CRY1: variants seen among roughly 807,000 people sequenced by gnomAD.
The protein encoded by CRY1 is cryptochrome-1.
In CRY1, 45 loss-of-function variants were observed where a neutral mutation model predicts 76.0. The observed-to-expected ratio is 0.59, with a 90% confidence interval of 0.47 to 0.76. The LOEUF (loss-of-function observed/expected upper bound fraction) is 0.76. CRY1 is among the 30% of genes least tolerant of loss of function. CRY1 has a pLI of 0.00. For synonymous variants in CRY1, 248 were observed against 244.0 expected, an observed-to-expected ratio of 1.02 and a Z score of -0.15; for missense variants, 587 against 716.4, an observed-to-expected ratio of 0.82 and a Z score of 2.06.
chr12:107,048,011 T>C (rs978523910), intron 1 of CRY1, among the ~76,000 whole-genome samples: 4 of 151,748 alleles, frequency 2.6e-5, no homozygotes, highest in African/African-American at 7.3e-5. Flanking sequence ...GGTAGACTAA[T>C]ATAGAAAACA....
At position 107,045,534 on chromosome 12, in the gene CRY1, A is replaced by G. The variant is rs530444272; in HGVS notation, c.159-23342T>C. Among the ~76,000 whole-genome samples the G allele has an allele frequency of 7.9e-5, 12 of 152,268 alleles. No individual in the cohort carries two copies. The East Asian group carries it at 2.1e-3, about 27-fold the overall frequency. ...TTTGTCAGTTTTGGCTTCTGTTGCC[A>G]TTGCTTTTGGTATTTTATACATGAA... On this transcript the variant is annotated intron_variant, in intron 1 of 12. Coordinates refer to ENST00000008527, the MANE Select transcript of CRY1 (RefSeq NM_004075.5).
intron 1 of CRY1, among the ~76,000 whole-genome samples, chr12:107,062,497 T>C (rs915820178): frequency 1.3e-5 from 2 of 152,182 alleles, no homozygotes; most frequent in South Asian, 4.1e-4. Context: ...TCAAAGCTAG[T>C]ACTGTGTCAG....
chr12:106,998,647 T>C (rs867766445), intron 7 of CRY1, among the ~76,000 whole-genome samples: 1 of 122,358 alleles, frequency 8.2e-6, no homozygotes, highest in African/African-American at 3.5e-5. Flanking sequence ...TACTAGGAAA[T>C]ATAAGAGATT....
chr12:107,083,332 A>T (rs1190881607), intron 1 of CRY1, among the ~76,000 whole-genome samples: 1 of 152,182 alleles, frequency 6.6e-6, no homozygotes, highest in Non-Finnish European at 1.5e-5. Flanking sequence ...CTGCTCCCTA[A>T]CTCATTTTAT....
chr12:107,017,380 T>A (rs183988866), intron 2 of CRY1, among the ~76,000 whole-genome samples: 1 of 152,250 alleles, frequency 6.6e-6, no homozygotes, highest in Admixed American at 6.5e-5. Flanking sequence ...CTTAGTGGAA[T>A]TGTTAATTCT....
intron 1 of CRY1, among the ~76,000 whole-genome samples, chr12:107,090,857 T>C (rs537411524): frequency 8.5e-5 from 13 of 152,110 alleles, no homozygotes; most frequent in Non-Finnish European, 1.6e-4. Flanking sequence ...TCAAACTTAA[T>C]GACTTAATGA....
At chr12:107,083,946 C>T (rs114285879) in intron 1 of CRY1, among the ~76,000 whole-genome samples, 4,871 of 152,224 alleles carry the variant, frequency 0.032, 122 homozygotes, top group African/African-American at 0.071. Context: ...ATTCCATTGC[C>T]TCAGCCCCAA....
At chr12:107,021,189 A>G (rs942509361) in intron 2 of CRY1, among the ~76,000 whole-genome samples, 7 of 152,196 alleles carry the variant, frequency 4.6e-5, no homozygotes, top group African/African-American at 1.7e-4. Context: ...AAGCTGAGGC[A>G]GAAGAATCAC....
chr12:107,080,217 C>G (rs1294991347), intron 1 of CRY1, among the ~76,000 whole-genome samples: 1 of 152,006 alleles, frequency 6.6e-6, no homozygotes, highest in Non-Finnish European at 1.5e-5. Context: ...AGACAGAAAA[C>G]ACAGGAAAAC....
chr12:107,077,164 C>A (rs1047197159), intron 1 of CRY1, among the ~76,000 whole-genome samples: 18 of 151,612 alleles, frequency 1.2e-4, no homozygotes, highest in Non-Finnish European at 1.2e-4. Context: ...TACACACAAA[C>A]ACACACACAC....
At chr12:107,004,260 A>G (rs1952345347) in intron 3 of CRY1, among the ~76,000 whole-genome samples, 1 of 152,218 alleles carries the variant, frequency 6.6e-6, no homozygotes, top group Admixed American at 6.5e-5. Flanking sequence ...CTAGCTTAGT[A>G]TCAAGACCTT....
chr12:107,012,667 A>C (rs1430560103), intron 2 of CRY1, among the ~76,000 whole-genome samples: 1 of 152,248 alleles, frequency 6.6e-6, no homozygotes, highest in East Asian at 1.9e-4. Context: ...ACAGACAGTG[A>C]TTCTTTTGAT....
chr12:106,994,788 A>G (rs1051657073), intron 10 of CRY1, among the ~76,000 whole-genome samples: 3 of 152,194 alleles, frequency 2.0e-5, no homozygotes, highest in African/African-American at 4.8e-5. Context: ...CTGTTATCTT[A>G]GTGCTTCACA....
chr12:107,028,705 C>T (rs1360800538), intron 1 of CRY1, among the ~76,000 whole-genome samples: 1 of 152,054 alleles, frequency 6.6e-6, no homozygotes, highest in Admixed American at 6.6e-5. Context: ...ACTCAGTGTC[C>T]ACACCTACAT....
At chr12:107,063,338 C>G (rs1953070289) in intron 1 of CRY1, among the ~76,000 whole-genome samples, 2 of 152,118 alleles carry the variant, frequency 1.3e-5, no homozygotes, top group Admixed American at 1.3e-4. Context: ...TTTAAATATT[C>G]TTGGTTGAGT....
At chr12:107,082,112 A>G (rs1953333497) in intron 1 of CRY1, among the ~76,000 whole-genome samples, 1 of 152,140 alleles carries the variant, frequency 6.6e-6, no homozygotes, top group Admixed American at 6.6e-5. Flanking sequence ...AGGGCATTAC[A>G]CAATGGTAAA....
intron 2 of CRY1, among the ~76,000 whole-genome samples, chr12:107,010,338 T>C (rs890410449): frequency 2.0e-5 from 3 of 152,190 alleles, no homozygotes; most frequent in African/African-American, 7.2e-5. Context: ...TTTGGCTTTG[T>C]TGACTAACAG....
At position 107,087,727 on chromosome 12, in the gene CRY1, C is replaced by CT. The variant is rs1352140119; in HGVS notation, c.158+5076dup. The stretch of plus-strand genomic sequence containing the variant: ...TGAAACTAGTTAAGATTTCTGGGGA[C>CT]TTTGAAAGAGATGATTATATCTTAC... On this transcript the variant is annotated intron_variant, in intron 1 of 12. Coordinates refer to ENST00000008527, the MANE Select transcript of CRY1 (RefSeq NM_004075.5). Among the ~76,000 whole-genome samples the CT allele has an allele frequency of 2.0e-5, 3 of 152,102 alleles. No homozygotes were observed. In the East Asian group the frequency reaches 5.8e-4, roughly 29 times the overall value.
intron 1 of CRY1, among the ~76,000 whole-genome samples, chr12:107,060,172 C>A (rs1953030080): frequency 6.6e-6 from 1 of 152,174 alleles, no homozygotes. Context: ...TCAAACAATT[C>A]TATGAGATAT....
Sources: gnomAD v4.1 joint callset for allele counts (sites outside exome capture counted in the v4.1 genomes callset) on GRCh38, gnomAD v4.1.1 for gene constraint, MANE v1.5 for transcripts, NCBI Gene and HGNC (gene_info 2026-07-23, HGNC 2026-07-21) for gene names.